The following RUNX1T1 variants were observed in gnomAD, a reference collection of about 807,000 sequenced individuals.
RUNX1T1 encodes protein CBFA2T1.
A neutral mutation model predicts 62.8 loss-of-function variants in RUNX1T1; 4 were observed. The observed-to-expected ratio is 0.06, with a 90% CI of 0.03 to 0.15. The LOEUF is 0.15. Ranked by LOEUF, RUNX1T1 falls within the 10% of genes least tolerant of loss-of-function variation. RUNX1T1 has a pLI of 1.00. For missense variants in RUNX1T1, 508 were observed against 754.3 expected, an observed-to-expected ratio of 0.67 and a Z score of 3.82; for synonymous variants, 291 against 286.0, an observed-to-expected ratio of 1.02 and a Z score of -0.18.
chr8:91,959,004 T>G (rs972406323), exon 11 of RUNX1T1: 3 of 205,394 alleles, frequency 1.5e-5, no homozygotes, highest in African/African-American at 6.9e-5. Context: ...CATACAGATA[T>G]AAAAGCAGCA....
chr8:92,055,040 C>T (rs1342799498), intron 1 of RUNX1T1, among the ~76,000 whole-genome samples: 2 of 152,038 alleles, frequency 1.3e-5, no homozygotes, highest in African/African-American at 2.4e-5. Flanking sequence ...TAAAAAAATA[C>T]ACTCAGCACA....
chr8:92,017,244 A>C (rs748259117), exon 2 of RUNX1T1: 3 of 1,612,826 alleles, frequency 1.9e-6, no homozygotes, highest in Non-Finnish European at 2.5e-6. Context: ...GGTGTAAATG[A>C]ACTGGTTCTT....
At chr8:92,019,056 G>C (rs780439130) in intron 1 of RUNX1T1, 5 of 152,102 alleles carry the variant, frequency 3.3e-5, no homozygotes, top group Non-Finnish European at 7.4e-5. Flanking sequence ...ACTTATTCTA[G>C]AAAAATACAG....
At chr8:92,038,747 G>T (rs1380395293) in intron 1 of RUNX1T1, among the ~76,000 whole-genome samples, 1 of 152,110 alleles carries the variant, frequency 6.6e-6, no homozygotes, top group Non-Finnish European at 1.5e-5. Context: ...AGCAAAGTAA[G>T]GTCATGGGTC....
downstream of RUNX1T1, chr8:91,955,601 G>A (rs1317974358): frequency 4.4e-6 from 1 of 226,180 alleles, no homozygotes; most frequent in Non-Finnish European, 8.8e-6. Context: ...GGCACAAGAA[G>A]GAAACTAGAG....
upstream of RUNX1T1, chr8:92,063,096 T>A: frequency 2.6e-6 from 1 of 381,046 alleles, no homozygotes; most frequent in Non-Finnish European, 3.8e-6. Flanking sequence ...AATTGGGAAC[T>A]GTATTAAAAA....
rs147023578 is a variant in RUNX1T1 at position 92,012,966 on chromosome 8, C to T, written c.387+1613G>A. Among the ~76,000 whole-genome samples, 705 of 152,096 alleles carry T rather than the reference C, an allele frequency of 4.6e-3. 8 individuals are homozygous for T. The highest frequency in any genetic ancestry group is 0.016 in the African/African-American group (655 of 41,482). ...TAAAAGTATTTCACGCAAAAGTATGCCACTTGGGAAAAATCTACTTAAAGC... is the reference window on the plus strand; with the variant it reads ...TAAAAGTATTTCACGCAAAAGTATGTCACTTGGGAAAAATCTACTTAAAGC... On this transcript the variant is annotated intron_variant, in intron 3 of 10. Coordinates refer to ENST00000396218, the Ensembl canonical transcript of RUNX1T1.
intron 1 of RUNX1T1, among the ~76,000 whole-genome samples, chr8:92,050,716 G>A (rs1217100259): frequency 6.6e-6 from 1 of 152,130 alleles, no homozygotes; most frequent in African/African-American, 2.4e-5. Context: ...ATTCTTTCCA[G>A]GGTTAGTTAG....
At chr8:92,102,727 A>G (rs28469152), upstream of RUNX1T1, 3,615 of 941,370 alleles carry the variant, frequency 3.8e-3, 91 homozygotes, top group African/African-American at 0.054. The surrounding 1 kb of genome is among the most constrained non-coding windows in gnomAD (Gnocchi z 4.5). Context: ...ATTGAGCGAC[A>G]AGTACAGCCT....
upstream of RUNX1T1, chr8:92,102,947 G>T: frequency 6.7e-7 from 1 of 1,491,632 alleles, no homozygotes; most frequent in Non-Finnish European, 8.9e-7. The surrounding 1 kb of genome is among the most constrained non-coding windows in gnomAD (Gnocchi z 4.5). Context: ...GCGGGGCGAC[G>T]GGGCGAGGAC....
intron 10 of RUNX1T1, among the ~76,000 whole-genome samples, chr8:91,962,895 G>A (rs1438600444): frequency 6.6e-6 from 1 of 152,174 alleles, no homozygotes; most frequent in Non-Finnish European, 1.5e-5. Context: ...GGCACGTTTT[G>A]GCAGACACAG....
At chr8:92,095,570 AAC>A (rs1029868778) in intron 1 of RUNX1T1, 8 of 1,449,160 alleles carry the variant, frequency 5.5e-6, no homozygotes, top group Admixed American at 2.6e-5. Context: ...CAGGAAAATA[AAC>A]AGAGGGTGCG....
intron 8 of RUNX1T1, among the ~76,000 whole-genome samples, chr8:91,985,074 C>T (rs1228726192): frequency 6.6e-6 from 1 of 152,082 alleles, no homozygotes; most frequent in African/African-American, 2.4e-5. Context: ...AAGTTTTAAA[C>T]TTTGGATAAT....
chr8:92,080,693 C>T (rs570536713), intron 1 of RUNX1T1, among the ~76,000 whole-genome samples: 3 of 152,312 alleles, frequency 2.0e-5, no homozygotes, highest in African/African-American at 7.2e-5. Context: ...CATGTTTATT[C>T]AACAATGCCC....
chr8:91,974,484 C>G (rs998202094), intron 9 of RUNX1T1, among the ~76,000 whole-genome samples: 1 of 152,070 alleles, frequency 6.6e-6, no homozygotes, highest in Non-Finnish European at 1.5e-5. Context: ...AGAGAAAAGA[C>G]TCACTCCTCT....
intron 1 of RUNX1T1, among the ~76,000 whole-genome samples, chr8:92,026,608 T>A (rs1187677352): frequency 6.6e-6 from 1 of 151,416 alleles, no homozygotes. Context: ...GATCACGAGG[T>A]CAGGAGATTG....
intron 1 of RUNX1T1, among the ~76,000 whole-genome samples, chr8:92,047,351 C>A (rs965670884): frequency 6.6e-6 from 1 of 152,060 alleles, no homozygotes; most frequent in South Asian, 2.1e-4. Flanking sequence ...TTTCAATTAC[C>A]CAAATTTAAA....
chr8:92,044,161 G>A (rs906547080), intron 1 of RUNX1T1, among the ~76,000 whole-genome samples: 4 of 152,004 alleles, frequency 2.6e-5, no homozygotes, highest in African/African-American at 4.8e-5. Context: ...ATGCACCTTC[G>A]CTACCTGCTC....
At chr8:91,958,955 CTTTTT>C (rs35061826) in exon 11 of RUNX1T1, 1 of 179,050 alleles carries the variant, frequency 5.6e-6, no homozygotes, top group Non-Finnish European at 1.2e-5. Flanking sequence ...TCTTTTTTTC[CTTTTT>C]TTTTTTTTAA....
Sources: allele counts gnomAD v4.1 joint callset (sites outside exome capture counted in the v4.1 genomes callset), GRCh38; gene constraint gnomAD v4.1.1; non-coding constraint Gnocchi (gnomAD v3.1); transcripts MANE v1.5; gene names NCBI Gene and HGNC (gene_info 2026-07-23, HGNC 2026-07-21).